Variants in DNAJB11 observed in about 807,000 individuals in gnomAD.
The protein encoded by DNAJB11 is DnaJ heat shock protein family (Hsp40) member B11.
Under a neutral mutation model 47.2 loss-of-function variants are expected in DNAJB11, and 30 were observed. The ratio of observed to expected loss-of-function variants is 0.64; its 90% confidence interval spans 0.48 to 0.86. The LOEUF is 0.86. Ranked by LOEUF, DNAJB11 falls within the 40% of genes least tolerant of loss-of-function variation. DNAJB11 has a pLI of 0.00. For missense variants in DNAJB11, 357 were observed against 440.2 expected, an observed-to-expected ratio of 0.81 and a Z score of 1.69; for synonymous variants, 151 against 159.9, an observed-to-expected ratio of 0.94 and a Z score of 0.42.
intron 4 of DNAJB11, chr3:186,580,921 A>G (rs1436484717): frequency 6.5e-6 from 1 of 152,978 alleles, no homozygotes; most frequent in Non-Finnish European, 1.5e-5. Flanking sequence ...TGAAATAAGG[A>G]GACATTTTCA....
Position 186,584,507 on chromosome 3 carries a change from C to T in DNAJB11, c.930C>T (p.Asp310=), listed in dbSNP as rs201614674. The change falls in exon 9 of 10, where the codon GAC becomes GAT. Residue 310 remains aspartate (D), a synonymous_variant. Coordinates refer to ENST00000265028, the MANE Select transcript of DNAJB11 (RefSeq NM_016306.6). ...WKKGEGLPNF[D]NNNIKGSLII... is the part of the protein sequence containing the mutation. ...AAGGGGAAGGGCTCCCCAACTTTGA[C>T]AACAACAATATCAAGGGCTCTTTGA... The T allele has an allele frequency of 6.2e-7, 1 of 1,602,222 alleles. No individual in the cohort carries two copies. The highest frequency in any genetic ancestry group is 2.3e-5 in the East Asian group (1 of 44,328).
Position 186,584,108 on chromosome 3 carries a change from TACTC to T in DNAJB11, c.852+133_852+136del, listed in dbSNP as rs1715584592. 10 of 704,588 alleles carry T rather than the reference TACTC, an allele frequency of 1.4e-5. No homozygotes were observed. In the Admixed American group the frequency reaches 2.3e-4, roughly 16 times the overall value. 43.6% of individuals were successfully genotyped at this position (704,588 alleles called of 1,614,324 possible). On this transcript the variant is annotated intron_variant, in intron 8 of 9. Transcript: ENST00000265028. The stretch of plus-strand genomic sequence containing the variant: ...TTGGTCGTATTCTGCCGTCTGTACT[TACTC>T]TGCTGCTGAGCATACTGCAATAACA...
At chr3:186,582,122 T>C in intron 6 of DNAJB11, 45 bp downstream of exon 6, 1 of 1,445,872 alleles carries the variant, frequency 6.9e-7, no homozygotes, top group Non-Finnish European at 9.7e-7. Context: ...AACTTTTTGC[T>C]CTCTGCTTGT....
intron 1 of DNAJB11, among the ~76,000 whole-genome samples, chr3:186,571,248 G>A (rs968540262): frequency 1.3e-5 from 2 of 152,184 alleles, no homozygotes; most frequent in African/African-American, 4.8e-5. Context: ...ACGGCATTTG[G>A]GGGATGAGGG....
chr3:186,576,183 A>G (rs549795219), intron 3 of DNAJB11, among the ~76,000 whole-genome samples: 6 of 152,358 alleles, frequency 3.9e-5, no homozygotes, highest in Admixed American at 1.3e-4. Flanking sequence ...AGTGCAGACA[A>G]TTCACGGGGA....
intron 5 of DNAJB11, 41 bp from the exon 6 acceptor site, chr3:186,581,954 T>G: frequency 1.3e-6 from 2 of 1,498,216 alleles, no homozygotes; most frequent in Non-Finnish European, 1.8e-6. Flanking sequence ...TTTGTTTATA[T>G]TTTCATTATT....
At chr3:186,583,525 A>C (rs1241110523) in intron 7 of DNAJB11, among the ~76,000 whole-genome samples, 1 of 152,078 alleles carries the variant, frequency 6.6e-6, no homozygotes, top group African/African-American at 2.4e-5. Flanking sequence ...TTTTATCTGC[A>C]TTTCTACAGC....
chr3:186,571,582 T>A (rs1715057922), intron 1 of DNAJB11, among the ~76,000 whole-genome samples: 1 of 152,190 alleles, frequency 6.6e-6, no homozygotes, highest in Admixed American at 6.5e-5. Context: ...CTTGAGCTAT[T>A]TATTATCTTA....
Position 186,572,258 on chromosome 3 carries a change from T to C in DNAJB11, c.225+7T>C, listed in dbSNP as rs1378437421. ...TCTGGGTGCTGCTTATGAGGTGAGTTGGGAAAAGTGATAAAGTACGAATAA... is the reference window on the plus strand; with the variant it reads ...TCTGGGTGCTGCTTATGAGGTGAGTCGGGAAAAGTGATAAAGTACGAATAA... On this transcript the variant is annotated splice_region_variant and intron_variant, in intron 2 of 9. Coordinates refer to ENST00000265028, the MANE Select transcript of DNAJB11 (RefSeq NM_016306.6). The C allele has an allele frequency of 6.3e-7, 1 of 1,597,604 alleles. No homozygotes were observed. Among genetic ancestry groups the C allele is most frequent in the East Asian group, 2.2e-5 (1 of 44,824 alleles).
Position 186,584,320 on chromosome 3 carries a change from C to G in DNAJB11, c.853-110C>G, listed in dbSNP as rs1715595861. ...TATTTCCTTTGCTCCTTCATTCTTT[C>G]TTTTTGCTGAGCTGTGACATTAGCT... On this transcript the variant is annotated intron_variant, in intron 8 of 9. Transcript: ENST00000265028. 3.5e-6 allele frequency: 4 copies of G among 1,126,862 alleles called. No homozygotes were observed. In the African/African-American group the frequency reaches 4.8e-5, roughly 14 times the overall value. 69.8% of individuals were successfully genotyped at this position (1,126,862 alleles called of 1,614,324 possible).
chr3:186,570,803 AGGC>A lies in DNAJB11; in HGVS notation c.-91_-89del. 8.5e-7 allele frequency: 1 copy of A among 1,175,704 alleles called. No individual in the cohort carries two copies. The highest frequency in any genetic ancestry group is 1.4e-5 in the South Asian group (1 of 73,984). 72.8% of individuals were successfully genotyped at this position (1,175,704 alleles called of 1,614,324 possible). On this transcript the variant is annotated 5_prime_UTR_variant, in exon 1 of 10. Coordinates refer to ENST00000265028, the MANE Select transcript of DNAJB11 (RefSeq NM_016306.6). ...GAGACCCCCGCGCCCCCCCGGTGTG[AGGC>A]GGCCTCACAGGGCCGGGTGGGCTGG... is the stretch of plus-strand genomic sequence containing the variant.
At chr3:186,582,583 C>G in intron 6 of DNAJB11, 133 bp from the exon 7 acceptor site, 1 of 706,848 alleles carries the variant, frequency 1.4e-6, no homozygotes, top group Non-Finnish European at 2.5e-6. Context: ...TACAACCAGG[C>G]AGAGACACTG....
At chr3:186,581,914 A>G (rs1715498927) in intron 5 of DNAJB11, 81 bp from the exon 6 acceptor site, 1 of 1,182,378 alleles carries the variant, frequency 8.5e-7, no homozygotes, top group Non-Finnish European at 1.2e-6. Flanking sequence ...GCTCTGATAA[A>G]ATAGGTATAA....
At chr3:186,577,222 A>C (rs758638127) in intron 3 of DNAJB11, among the ~76,000 whole-genome samples, 1 of 152,230 alleles carries the variant, frequency 6.6e-6, no homozygotes, top group Non-Finnish European at 1.5e-5. Context: ...AGAACACTAC[A>C]TATGTTAAAA....
intron 4 of DNAJB11, chr3:186,579,096 A>G (rs1214461590): frequency 6.6e-6 from 1 of 152,198 alleles, no homozygotes; most frequent in Non-Finnish European, 1.5e-5. Flanking sequence ...TCATCTCTGG[A>G]AAAAAATTTT....
rs1434714753 is a variant in DNAJB11 at position 186,577,748 on chromosome 3, T to C, written c.404T>C (p.Ile135Thr). ...AATATTCCAAGAGGAAGTGATATTA[T>C]TGTAGATCTAGAAGTCACTTTGGAA... ...DRNIPRGSDI[I>T]VDLEVTLEEV... The change falls in exon 4 of 10, where the codon ATT becomes ACT. Residue 135 changes from isoleucine to threonine, a missense_variant. Transcript: ENST00000265028. 5.6e-6 allele frequency: 9 copies of C among 1,609,320 alleles called. No individual in the cohort carries two copies. The highest frequency in any genetic ancestry group is 1.6e-4 in the Middle Eastern group (1 of 6,068).
chr3:186,581,606 T>C, intron 5 of DNAJB11, 93 bp downstream of exon 5: 3 of 1,401,454 alleles, frequency 2.1e-6, no homozygotes, highest in Non-Finnish European at 2.9e-6. Flanking sequence ...GATCTTTCTC[T>C]GTCCCCTCCC....
rs1715275177 is a variant in DNAJB11 at position 186,575,901 on chromosome 3, A to G, written c.287A>G (p.Asp96Gly). The G allele has an allele frequency of 6.2e-7, 1 of 1,613,920 alleles. No individual in the cohort carries two copies. The highest frequency in any genetic ancestry group is 1.1e-5 in the South Asian group (1 of 91,086). The change falls in exon 3 of 10, where the codon GAT becomes GGT. Residue 96 changes from aspartate to glycine, a missense_variant. Transcript: ENST00000265028. ...ACTTATGGTGAAGAAGGATTAAAAG[A>G]TGGTCATCAGAGCTCCCATGGAGAC... is the stretch of plus-strand genomic sequence containing the variant. ...YDTYGEEGLK[D>G]GHQSSHGDIF...
intron 1 of DNAJB11, 136 bp downstream of exon 1, chr3:186,571,101 G>C: frequency 1.3e-6 from 1 of 783,290 alleles, no homozygotes; most frequent in Non-Finnish European, 2.0e-6. Context: ...GGGTGGCGGA[G>C]GAAGGGGTAG....
Sources: allele counts gnomAD v4.1 joint callset (sites outside exome capture counted in the v4.1 genomes callset), GRCh38; gene constraint gnomAD v4.1.1; transcripts MANE v1.5; gene names NCBI Gene and HGNC (gene_info 2026-07-23, HGNC 2026-07-21).